Variants in TYW1B observed in about 807,000 individuals in gnomAD.
TYW1B encodes S-adenosyl-L-methionine-dependent tRNA 4-demethylwyosine synthase TYW1B.
TYW1B carries 73 observed loss-of-function variants against 86.9 expected under a neutral mutation model. That is an observed-to-expected ratio of 0.84 (90% CI 0.70 to 1.02). The LOEUF (loss-of-function observed/expected upper bound fraction) is 1.02, where lower values mean the gene tolerates loss of function less well. TYW1B is among the 50% of genes least tolerant of loss of function. The probability of loss-of-function intolerance (pLI) is 0.00; values close to 1 mark genes in which losing one functional copy is unlikely to be tolerated. For synonymous variants in TYW1B, 248 were observed against 292.8 expected, an observed-to-expected ratio of 0.85 and a Z score of 1.56; for missense variants, 637 against 827.4, an observed-to-expected ratio of 0.77 and a Z score of 2.82.
chr7:72,618,119 C>T (rs57969995), intron 12 of TYW1B, among the ~76,000 whole-genome samples: 3,865 of 151,836 alleles, frequency 0.025, 157 homozygotes, highest in African/African-American at 0.088. Context: ...GCATGTGCAC[C>T]TCTCATACAC....
At chr7:72,795,379 C>T (rs1253649671) in intron 6 of TYW1B, among the ~76,000 whole-genome samples, 3 of 151,578 alleles carry the variant, frequency 2.0e-5, no homozygotes, top group East Asian at 1.9e-4. Flanking sequence ...GAATGGTTAT[C>T]GCCTCACCAT....
intron 13 of TYW1B, among the ~76,000 whole-genome samples, chr7:72,595,922 T>C (rs1366764308): frequency 3.3e-5 from 5 of 151,980 alleles, no homozygotes; most frequent in Admixed American, 3.3e-4. Context: ...ACACCTGTAA[T>C]CCCAGCATTT....
chr7:72,574,820 A>C lies in TYW1B; in HGVS notation c.*678T>G. 1.0e-6 allele frequency: 1 copy of C among 985,446 alleles called. No individual in the cohort carries two copies. The highest frequency in any genetic ancestry group is 1.2e-6 in the Non-Finnish European group (1 of 829,994). 61.0% of individuals were successfully genotyped at this position (985,446 alleles called of 1,614,324 possible). ...CTCACATGGCCACTCCTCTTACAGC[A>C]GACAGCTTCACTCCGCTCCAGCCCC... On this transcript the variant is annotated 3_prime_UTR_variant, in exon 14 of 14. Transcript: ENST00000620995.
At chr7:72,642,552 A>G (rs1812826273) in intron 11 of TYW1B, among the ~76,000 whole-genome samples, 1 of 152,202 alleles carries the variant, frequency 6.6e-6, no homozygotes, top group Non-Finnish European at 1.5e-5. Context: ...TCAGCTGAAG[A>G]ACGGACAAAG....
intron 8 of TYW1B, among the ~76,000 whole-genome samples, chr7:72,743,905 C>T (rs1585948232): frequency 6.6e-6 from 1 of 151,422 alleles, no homozygotes; most frequent in African/African-American, 2.4e-5. Context: ...ACCACCACCC[C>T]CAAAAAGAGA....
At chr7:72,765,799 T>G (rs1189754017) in intron 7 of TYW1B, among the ~76,000 whole-genome samples, 1 of 152,182 alleles carries the variant, frequency 6.6e-6, no homozygotes, top group African/African-American at 2.4e-5. Context: ...ACAAGCCTCA[T>G]GTCTGATTTA....
chr7:72,684,828 A>G (rs532715893), intron 11 of TYW1B, among the ~76,000 whole-genome samples: 7 of 152,228 alleles, frequency 4.6e-5, no homozygotes, highest in Admixed American at 3.9e-4. Context: ...TATTGTAAGG[A>G]GGCTGGGCAC....
At chr7:72,651,791 A>G (rs1316417171) in intron 11 of TYW1B, among the ~76,000 whole-genome samples, 1 of 152,212 alleles carries the variant, frequency 6.6e-6, no homozygotes, top group African/African-American at 2.4e-5. Flanking sequence ...TTCAAAAAGA[A>G]CAGAAATTGT....
intron 11 of TYW1B, among the ~76,000 whole-genome samples, chr7:72,645,333 C>T (rs1179604853): frequency 1.3e-5 from 2 of 152,154 alleles, no homozygotes; most frequent in Non-Finnish European, 2.9e-5. Context: ...GAAACATTGA[C>T]CAAAGCCTTG....
At chr7:72,766,684 T>C (rs1466352791) in intron 7 of TYW1B, among the ~76,000 whole-genome samples, 2 of 150,960 alleles carry the variant, frequency 1.3e-5, no homozygotes, top group Non-Finnish European at 2.9e-5. Flanking sequence ...CCCAGAACTT[T>C]GGGAGGTCAA....
At chr7:72,639,552 G>A (rs550484267) in intron 11 of TYW1B, among the ~76,000 whole-genome samples, 8 of 152,212 alleles carry the variant, frequency 5.3e-5, no homozygotes, top group Admixed American at 1.3e-4. Context: ...CATGAATACC[G>A]ACTGTATGAA....
At chr7:72,805,410 A>T (rs1267650260) in intron 5 of TYW1B, among the ~76,000 whole-genome samples, 3 of 150,374 alleles carry the variant, frequency 2.0e-5, no homozygotes, top group Non-Finnish European at 4.4e-5. Flanking sequence ...CCAAGTGTTC[A>T]AAACCAGCCT....
intron 7 of TYW1B, among the ~76,000 whole-genome samples, chr7:72,746,542 C>T (rs559767121): frequency 6.6e-6 from 1 of 152,296 alleles, no homozygotes; most frequent in South Asian, 2.1e-4. Flanking sequence ...CTGTCCCATT[C>T]AGGTTGAAGT....
chr7:72,806,973 A>C, intron 5 of TYW1B, 93 bp downstream of exon 5: 1 of 1,490,094 alleles, frequency 6.7e-7, no homozygotes, highest in Non-Finnish European at 9.0e-7. Flanking sequence ...TCTAACCAGA[A>C]GCCAACGAGA....
intron 9 of TYW1B, among the ~76,000 whole-genome samples, chr7:72,728,551 C>T (rs1787047241): frequency 6.6e-6 from 1 of 152,176 alleles, no homozygotes; most frequent in South Asian, 2.1e-4. Flanking sequence ...AGGTGATCCG[C>T]CCGCCTCGGC....
At chr7:72,731,393 C>CAAAAAAAAAAAAAAA (rs59262388) in intron 8 of TYW1B, among the ~76,000 whole-genome samples, 1 of 33,058 alleles carries the variant, frequency 3.0e-5, no homozygotes, top group Non-Finnish European at 5.2e-5. Flanking sequence ...TACCAAACTG[C>CAAAAAAAAAAAAAAA]AAAAAAAAAA....
At chr7:72,669,289 C>T (rs1290806284) in intron 11 of TYW1B, among the ~76,000 whole-genome samples, 1 of 151,544 alleles carries the variant, frequency 6.6e-6, no homozygotes, top group Non-Finnish European at 1.5e-5. Context: ...AGATCACAGG[C>T]GCCTGCCACC....
intron 13 of TYW1B, among the ~76,000 whole-genome samples, chr7:72,603,314 C>G (rs1320077153): frequency 6.9e-6 from 1 of 145,658 alleles, no homozygotes; most frequent in African/African-American, 2.6e-5. Context: ...GATGGATGGA[C>G]AGATAGATGA....
intron 6 of TYW1B, among the ~76,000 whole-genome samples, chr7:72,791,254 C>T (rs1788212571): frequency 6.6e-6 from 1 of 151,922 alleles, no homozygotes; most frequent in Non-Finnish European, 1.5e-5. Flanking sequence ...CCGAAGAAAC[C>T]TTGGGGAGGG....
Sources: allele counts gnomAD v4.1 joint callset (sites outside exome capture counted in the v4.1 genomes callset), GRCh38; gene constraint gnomAD v4.1.1; transcripts MANE v1.5; gene names NCBI Gene and HGNC (gene_info 2026-07-23, HGNC 2026-07-21).